The following ORC2 variants were observed in gnomAD, a reference collection of about 807,000 sequenced individuals.
The protein encoded by ORC2 is origin recognition complex protein 2 homolog.
Under a neutral mutation model 77.7 loss-of-function variants are expected in ORC2, and 37 were observed. The ratio of observed to expected loss-of-function variants is 0.48; its 90% confidence interval spans 0.37 to 0.63. The LOEUF (loss-of-function observed/expected upper bound fraction) is 0.63, where lower values mean the gene tolerates loss of function less well. ORC2 is among the 20% of genes least tolerant of loss of function. ORC2 has a pLI of 0.00. For missense variants in ORC2, 557 were observed against 661.9 expected (o/e 0.84, Z 1.74); for synonymous variants, 201 against 229.5 (o/e 0.88, Z 1.12).
At chr2:200,927,699 A>T (rs2040864996) in intron 11 of ORC2, among the ~76,000 whole-genome samples, 1 of 151,240 alleles carries the variant, frequency 6.6e-6, no homozygotes, top group African/African-American at 2.4e-5. Flanking sequence ...GTAAAAAAAA[A>T]TTAACTAATT....
intron 5 of ORC2, among the ~76,000 whole-genome samples, chr2:200,944,223 G>C (rs776314571): frequency 6.6e-6 from 1 of 151,674 alleles, no homozygotes; most frequent in Non-Finnish European, 1.5e-5. Context: ...GCCCAGGCTG[G>C]AGTGCAGTGG....
In ORC2 at chr2:200,921,080, C is replaced by T; in HGVS notation, c.1207G>A (p.Glu403Lys). Reference sequence around the variant, plus strand: ...TGACCAATGATTTGCTGGCTCTTCTCTCCTCTCAACATCTGGCTATCCAAA... The same window carrying T: ...TGACCAATGATTTGCTGGCTCTTCTTTCCTCTCAACATCTGGCTATCCAAA... ...HNLDSQMLRG[E>K]KSQQIIGQLS... The change falls in exon 14 of 18, where the codon GAG becomes AAG. Residue 403 changes from glutamate to lysine, a missense_variant. Coordinates refer to ENST00000234296, the MANE Select transcript of ORC2 (RefSeq NM_006190.5). 1.2e-6 allele frequency: 2 copies of T among 1,609,850 alleles called. No homozygotes were observed. The highest frequency in any genetic ancestry group is 1.7e-6 in the Non-Finnish European group (2 of 1,177,202).
At chr2:200,933,291 C>G (rs2040975571) in intron 10 of ORC2, among the ~76,000 whole-genome samples, 1 of 148,306 alleles carries the variant, frequency 6.7e-6, no homozygotes, top group Admixed American at 6.8e-5. Context: ...ATCTTGTTAC[C>G]TTACCACACT....
rs547113674 is a variant in ORC2 at position 200,912,766 on chromosome 2, T to C, written c.1647+529A>G. Among the ~76,000 whole-genome samples the C allele has an allele frequency of 2.4e-3, 367 of 152,318 alleles. 3 individuals carry two copies. Among genetic ancestry groups the C allele is most frequent in the African/African-American group, 8.5e-3 (354 of 41,570 alleles). On this transcript the variant is annotated intron_variant, in intron 17 of 17. Transcript: ENST00000234296. ...CAGCTCAGTGGTCTCTTCTGATATC[T>C]ATCCATAATTAGGTCAAATCCACCT...
At chr2:200,941,301 C>T in intron 6 of ORC2, 22 bp from the exon 7 acceptor site, 1 of 1,604,972 alleles carries the variant, frequency 6.2e-7, no homozygotes. Flanking sequence ...AACAAAAAGC[C>T]ATGACTTACT....
At chr2:200,948,820 C>A (rs1172275986) in intron 5 of ORC2, among the ~76,000 whole-genome samples, 2 of 152,098 alleles carry the variant, frequency 1.3e-5, no homozygotes, top group African/African-American at 2.4e-5. Flanking sequence ...TGCCTCCTGC[C>A]TCAGCTTCCC....
chr2:200,961,271 C>T (rs1315547334), intron 1 of ORC2, among the ~76,000 whole-genome samples: 1 of 152,120 alleles, frequency 6.6e-6, no homozygotes, highest in Non-Finnish European at 1.5e-5. Flanking sequence ...TGCAACATCT[C>T]ACCTCAGCCT....
At chr2:200,953,960 G>A (rs1039782172) in intron 4 of ORC2, among the ~76,000 whole-genome samples, 1 of 152,014 alleles carries the variant, frequency 6.6e-6, no homozygotes, top group Admixed American at 6.6e-5. Context: ...AGGACTACAG[G>A]TGCATGCCAC....
At chr2:200,943,650 G>T (rs1489179716) in intron 5 of ORC2, among the ~76,000 whole-genome samples, 1 of 152,098 alleles carries the variant, frequency 6.6e-6, no homozygotes, top group Non-Finnish European at 1.5e-5. Flanking sequence ...ACAAGTGAAA[G>T]CCATTTTACT....
chr2:200,913,971 T>C lies in ORC2; in HGVS notation c.1488A>G (p.Ile496Met), dbSNP rs759657490. ...PNARGIFRLL[I>M]KYQLDNQDNP... ...TATCCTGGTTGTCCAGCTGGTATTT[T>C]ATTAGTAGCCTGAAAATTCCCCTAA... is the stretch of plus-strand genomic sequence containing the variant. The change falls in exon 16 of 18, where the codon ATA becomes ATG. Residue 496 changes from isoleucine (I) to methionine (M), a missense_variant. Transcript: ENST00000234296. 1 of 1,585,718 alleles carries C rather than the reference T, an allele frequency of 6.3e-7. No individual in the cohort carries two copies. Among genetic ancestry groups the C allele is most frequent in the South Asian group, 1.2e-5 (1 of 85,134 alleles).
chr2:200,940,258 T>C (rs1363121323), intron 7 of ORC2, among the ~76,000 whole-genome samples: 2 of 152,200 alleles, frequency 1.3e-5, no homozygotes, highest in African/African-American at 2.4e-5. Flanking sequence ...TGCTGGAACA[T>C]GTATACCCTT....
At chr2:200,954,666 A>C (rs1422020710) in intron 4 of ORC2, among the ~76,000 whole-genome samples, 1 of 152,152 alleles carries the variant, frequency 6.6e-6, no homozygotes, top group African/African-American at 2.4e-5. Context: ...GTGTGGAAAA[A>C]AGACTTTGAC....
At chr2:200,931,473 A>G (rs969931500) in intron 10 of ORC2, 25 bp from the exon 11 acceptor site, 8 of 1,278,980 alleles carry the variant, frequency 6.3e-6, no homozygotes, top group Non-Finnish European at 8.8e-6. Flanking sequence ...AGGAGGGGAA[A>G]AAAGTCATTC....
intron 13 of ORC2, chr2:200,921,372 C>G (rs936301599): frequency 1.6e-5 from 4 of 255,496 alleles, no homozygotes; most frequent in African/African-American, 2.2e-5. Context: ...CCAGGTTGGT[C>G]TTGAACTCCT....
chr2:200,935,812 C>T lies in ORC2; in HGVS notation c.595G>A (p.Glu199Lys), dbSNP rs771158850. Residue 199 changes from glutamate to lysine, a missense_variant, in exon 9 of 18, where the codon GAA becomes AAA. Transcript: ENST00000234296. ...EDDEGVAQEH[E>K]EDTNAVIFSQ... ...AATATGACTGCATTAGTGTCCTCTT[C>T]ATGTTCCTGTGCAACCCCTTCATCA... 2 of 1,614,104 alleles carry T rather than the reference C, an allele frequency of 1.2e-6. No individual in the cohort carries two copies. Among genetic ancestry groups the T allele is most frequent in the South Asian group, 2.2e-5 (2 of 91,080 alleles).
intron 5 of ORC2, among the ~76,000 whole-genome samples, chr2:200,945,347 GGAGTTC>G (rs1559019464): frequency 6.6e-6 from 1 of 152,118 alleles, no homozygotes. Flanking sequence ...CTTGAGTCTA[GGAGTTC>G]GAGACCAGAC....
chr2:200,945,385 G>T (rs1559019490), intron 5 of ORC2, among the ~76,000 whole-genome samples: 1 of 152,008 alleles, frequency 6.6e-6, no homozygotes, highest in African/African-American at 2.4e-5. Flanking sequence ...AAGAAACCCT[G>T]TCTCTACAAA....
intron 15 of ORC2, among the ~76,000 whole-genome samples, chr2:200,915,003 CTTTTTTTTTTTTTTTTTTTT>C (rs1158807101): frequency 1.7e-4 from 11 of 65,270 alleles, no homozygotes; most frequent in African/African-American, 7.1e-4. Flanking sequence ...CTTCCCACGT[CTTTTTTTTTTTTTTTTTTTT>C]TTTTTTTTTG....
intron 16 of ORC2, 182 bp downstream of exon 16, chr2:200,913,749 C>T (rs1298292663): frequency 2.2e-5 from 30 of 1,382,864 alleles, no homozygotes; most frequent in Non-Finnish European, 2.6e-5. Flanking sequence ...TTGGCAAACA[C>T]CTTGCTCAGC....
Sources: allele counts gnomAD v4.1 joint callset (sites outside exome capture counted in the v4.1 genomes callset), GRCh38; gene constraint gnomAD v4.1.1; transcripts MANE v1.5; gene names NCBI Gene and HGNC (gene_info 2026-07-23, HGNC 2026-07-21).